The following UBE3A variants were observed in gnomAD, a reference collection of about 807,000 sequenced individuals.
UBE3A encodes the protein ubiquitin-protein ligase E3A.
A neutral mutation model predicts 83.4 loss-of-function variants in UBE3A; 6 were observed. The ratio of observed to expected loss-of-function variants is 0.07; its 90% CI spans 0.04 to 0.14. UBE3A has a LOEUF of 0.14. Among genes scored for constraint, UBE3A ranks in the 10% least tolerant of loss-of-function variants. The pLI is 1.00. For missense variants in UBE3A, 456 were observed against 1,036.1 expected, an observed-to-expected ratio of 0.44 and a Z score of 7.69; for synonymous variants, 337 against 355.4, an observed-to-expected ratio of 0.95 and a Z score of 0.58.
chr15:25,402,177 G>A (rs1400027705), intron 4 of UBE3A, among the ~76,000 whole-genome samples: 2 of 152,198 alleles, frequency 1.3e-5, no homozygotes, highest in African/African-American at 4.8e-5. Context: ...AGTCTTTGCA[G>A]AGTGACTTTA....
rs552745581 is a variant in UBE3A at position 25,355,795 on chromosome 15, G to A, written c.2124+97C>T. ...AAACTTAGTTACTTGTTTTTTTTTT[G>A]TACAGACTATATTAGATACTTCTTT... On this transcript the variant is annotated intron_variant, in intron 9 of 12. Transcript: ENST00000648336. 2.9e-5 allele frequency: 30 copies of A among 1,047,236 alleles called. No homozygotes were observed. In the South Asian group the frequency reaches 5.0e-4, roughly 17 times the overall value. The allele number at this position is 1,047,236 out of a possible 1,614,324, so 64.9% of individuals were successfully genotyped here.
Position 25,430,027 on chromosome 15 carries a change from CTATATA to C in UBE3A, c.-165+8456_-165+8461del, listed in dbSNP as rs199950859. Among the ~76,000 whole-genome samples, 57 of 66,170 alleles carry C rather than the reference CTATATA, an allele frequency of 8.6e-4. 3 individuals are homozygous for C. Among genetic ancestry groups the C allele is most frequent in the African/African-American group, 3.9e-3 (32 of 8,202 alleles). The allele number at this position is 66,170 out of a possible 152,430, so 43.4% of individuals were successfully genotyped here. A position where few individuals can be genotyped will look rare whatever the true frequency, so the allele number is the denominator to read the frequency against. On this transcript the variant is annotated intron_variant, in intron 1 of 12. Coordinates refer to ENST00000648336, the MANE Select transcript of UBE3A (RefSeq NM_130839.5). ...CTCAGGAGGAAAAACAAAAAAAAAC[CTATATA>C]TATATATATATATATATTTATATGT...
intron 11 of UBE3A, 60 bp downstream of exon 11, chr15:25,354,293 A>G (rs1435837449): frequency 6.6e-7 from 1 of 1,526,096 alleles, no homozygotes; most frequent in African/African-American, 1.4e-5. Flanking sequence ...AAAGGTCTGA[A>G]GCAAAATCAC....
rs531922943 is a variant in UBE3A at position 25,360,648 on chromosome 15, TG to T, written c.1609-122del. 33 of 1,147,508 alleles carry T rather than the reference TG, an allele frequency of 2.9e-5. No individual in the cohort carries two copies. The African/African-American group carries it at 5.0e-4, about 17-fold the overall frequency. 71.1% of individuals were successfully genotyped at this position (1,147,508 alleles called of 1,614,324 possible). The stretch of plus-strand genomic sequence containing the variant: ...AAATTTTTGACTTTTTGTATGTAAA[TG>T]GAAACAGAAAGCAAACTGATAAAAA... On this transcript the variant is annotated intron_variant, in intron 6 of 12. Coordinates refer to ENST00000648336, the MANE Select transcript of UBE3A (RefSeq NM_130839.5).
chr15:25,426,993 C>T (rs1241732097), intron 1 of UBE3A, among the ~76,000 whole-genome samples: 1 of 151,910 alleles, frequency 6.6e-6, no homozygotes, highest in Non-Finnish European at 1.5e-5. Context: ...ACTTTGTTGC[C>T]CAGGCTGGTC....
chr15:25,375,346 GT>G, intron 5 of UBE3A, 118 bp downstream of exon 5: 1 of 1,248,730 alleles, frequency 8.0e-7, no homozygotes, highest in South Asian at 1.4e-5. Flanking sequence ...TAAAAAATTG[GT>G]TCTACGATAT....
At chr15:25,390,914 C>T (rs1413475616) in intron 4 of UBE3A, among the ~76,000 whole-genome samples, 4 of 149,102 alleles carry the variant, frequency 2.7e-5, no homozygotes, top group Non-Finnish European at 4.4e-5. Flanking sequence ...ACCTTCCTCT[C>T]AATTCTGTGA....
chr15:25,360,620 T>C lies in UBE3A; in HGVS notation c.1609-93A>G, dbSNP rs142163706. On this transcript the variant is annotated intron_variant, in intron 6 of 12. Transcript: ENST00000648336. Reference sequence around the variant, plus strand: ...ACAAGGAGTAGGATTAGGAAACAAATACAAATTTTTGACTTTTTGTATGTA... The same window carrying C: ...ACAAGGAGTAGGATTAGGAAACAAACACAAATTTTTGACTTTTTGTATGTA... 1.6e-5 allele frequency: 23 copies of C among 1,462,332 alleles called. No homozygotes were observed. In the African/African-American group the frequency reaches 2.3e-4, roughly 14 times the overall value. The allele number at this position is 1,462,332 out of a possible 1,614,324, so 90.6% of individuals were successfully genotyped here.
At chr15:25,412,979 G>T (rs2153092316) in intron 1 of UBE3A, 1 of 438,826 alleles carries the variant, frequency 2.3e-6, no homozygotes, top group East Asian at 7.3e-5. Context: ...CAAGAACGCA[G>T]AAATGAATTT....
At chr15:25,342,621 C>A (rs967679669) in intron 11 of UBE3A, among the ~76,000 whole-genome samples, 6 of 150,942 alleles carry the variant, frequency 4.0e-5, no homozygotes, top group African/African-American at 1.5e-4. Flanking sequence ...AAAATCTACC[C>A]GGATCAAAAA....
At chr15:25,433,881 C>G (rs563787913) in intron 1 of UBE3A, among the ~76,000 whole-genome samples, 5 of 151,898 alleles carry the variant, frequency 3.3e-5, no homozygotes, top group Admixed American at 2.0e-4. Flanking sequence ...AACCTGAACA[C>G]GGCAAGACCC....
intron 11 of UBE3A, chr15:25,345,823 C>T (rs922702586): frequency 5.9e-5 from 9 of 151,768 alleles, no homozygotes; most frequent in African/African-American, 2.2e-4. Flanking sequence ...GAAGACATGA[C>T]ACAACTAAGG....
intron 4 of UBE3A, among the ~76,000 whole-genome samples, chr15:25,401,917 A>G (rs1267345055): frequency 2.0e-5 from 3 of 152,012 alleles, no homozygotes; most frequent in African/African-American, 7.3e-5. Context: ...CAATCTCAAA[A>G]TTTCTCATTT....
In UBE3A at chr15:25,338,324, G is replaced by GAGAACAACAAGA. The variant is rs1386752822; in HGVS notation, c.*801_*812dup. ...TCCCCAGTAAACTTAAAACAACAAC[G>GAGAACAACAAGA]AGAACAACAAGAACAAAAATCCCTG... On this transcript the variant is annotated 3_prime_UTR_variant, in exon 13 of 13. Transcript: ENST00000648336. 6.7e-6 allele frequency: 1 copy of GAGAACAACAAGA among 149,994 alleles called. No homozygotes were observed. The highest frequency in any genetic ancestry group is 1.5e-5 in the Non-Finnish European group (1 of 67,926). The allele number at this position is 149,994 out of a possible 1,614,324, so 9.3% of individuals were successfully genotyped here.
At chr15:25,431,783 A>C (rs1222879129) in intron 1 of UBE3A, among the ~76,000 whole-genome samples, 1 of 152,214 alleles carries the variant, frequency 6.6e-6, no homozygotes, top group Non-Finnish European at 1.5e-5. Context: ...TAGATGCACA[A>C]AAGATTTTTT....
Position 25,335,494 on chromosome 15 carries a change from G to GT in UBE3A, c.*3642dup, listed in dbSNP as rs2073920339. 6.6e-6 allele frequency: 1 copy of GT among 152,176 alleles called. No individual in the cohort carries two copies. The highest frequency in any genetic ancestry group is 2.4e-5 in the African/African-American group (1 of 41,414). The allele number at this position is 152,176 out of a possible 1,614,324, so 9.4% of individuals were successfully genotyped here. On this transcript the variant is annotated 3_prime_UTR_variant, in exon 13 of 13. Coordinates refer to ENST00000648336, the MANE Select transcript of UBE3A (RefSeq NM_130839.5). Reference sequence around the variant, plus strand: ...TTAGGCAGCTGCTAAGAATGTCCGGGTGAGTCAGAGGATCAGGACCTGTAA... The same window carrying GT: ...TTAGGCAGCTGCTAAGAATGTCCGGGTTGAGTCAGAGGATCAGGACCTGTAA...
Position 25,340,204 on chromosome 15 carries a change from T to C in UBE3A, c.2379A>G (p.Ser793=). Residue 793 remains serine, a synonymous_variant, in exon 12 of 13, where the codon TCA becomes TCG. Transcript: ENST00000648336. The part of the protein sequence containing the change: ...LIREFWEIVH[S]FTDEQKRLFL... ...AGAGTCTTTTCTGTTCATCTGTAAATGAATGAACGATTTCCCAGAACTCCC... is the reference window on the plus strand; with the variant it reads ...AGAGTCTTTTCTGTTCATCTGTAAACGAATGAACGATTTCCCAGAACTCCC... 1.2e-6 allele frequency: 2 copies of C among 1,613,742 alleles called. No homozygotes were observed. Among genetic ancestry groups the C allele is most frequent in the Non-Finnish European group, 1.7e-6 (2 of 1,179,960 alleles).
rs2088286010 is a variant in UBE3A at position 25,405,499 on chromosome 15, T to C, written c.24A>G (p.Ser8=). MATACKR[S]GEPQSDDIEA... ...CAATGTCGTCAGACTGAGGTTCTCC[T>C]GATCTGTAAAATGCAATTGAGAAAC... Residue 8 remains serine (S), a synonymous_variant, in exon 4 of 13, where the codon TCA becomes TCG. Transcript: ENST00000648336. The C allele has an allele frequency of 6.2e-7, 1 of 1,613,874 alleles. No individual in the cohort carries two copies. The highest frequency in any genetic ancestry group is 2.2e-5 in the East Asian group (1 of 44,828).
At chr15:25,401,623 T>C (rs2087110213) in intron 4 of UBE3A, among the ~76,000 whole-genome samples, 1 of 152,204 alleles carries the variant, frequency 6.6e-6, no homozygotes, top group South Asian at 2.1e-4. Context: ...TTCTTGTACT[T>C]CTCTGGTATC....
Sources: allele counts gnomAD v4.1 joint callset (sites outside exome capture counted in the v4.1 genomes callset), GRCh38; gene constraint gnomAD v4.1.1; transcripts MANE v1.5; gene names NCBI Gene and HGNC (gene_info 2026-07-23, HGNC 2026-07-21).